ULK4: variants seen among roughly 807,000 people sequenced by gnomAD.
ULK4 encodes the protein unc-51 like kinase 4, also known as inactive serine/threonine-protein kinase ULK4.
ULK4 carries 133 observed loss-of-function variants against 160.6 expected under a neutral mutation model. That is an observed-to-expected ratio of 0.83 (90% CI 0.72 to 0.96). ULK4 has a LOEUF of 0.96. Ranked by LOEUF, ULK4 falls within the 40% of genes least tolerant of loss-of-function variation. ULK4 has a pLI of 0.00. For missense variants in ULK4, 1,580 were observed against 1,499.5 expected (o/e 1.05, Z -0.89); for synonymous variants, 534 against 539.8 (o/e 0.99, Z 0.15).
Position 41,815,065 on chromosome 3 carries a change from C to T in ULK4, c.1848+4358G>A, listed in dbSNP as rs562832140. On this transcript the variant is annotated intron_variant, in intron 19 of 36. Transcript: ENST00000301831. ...CTGGAATTACAGGCATGCACCACCA[C>T]GCCCGACTAATTTTTGTATTTTTAG... Among the ~76,000 whole-genome samples, 7 of 152,138 alleles carry T rather than the reference C, an allele frequency of 4.6e-5. No individual in the cohort carries two copies. In the South Asian group the frequency reaches 6.2e-4, roughly 14 times the overall value.
Position 41,789,735 on chromosome 3 carries a change from G to A in ULK4, c.2119C>T (p.Gln707Ter). Residue 707 changes from glutamine (Q) to a stop codon, truncating the protein, a stop_gained, in exon 21 of 37, where the codon CAG (glutamine) becomes TAG (stop). Coordinates refer to ENST00000301831, the MANE Select transcript of ULK4 (RefSeq NM_017886.4). LOFTEE classifies it high-confidence loss of function. ...GCGAATAAGGTCAACATGTACTGCT[G>A]AACTTTGCAGATGGCAGAGGCCAGG... ...NSLASAICKV[Q>*]QYMLTLFAAM... The A allele has an allele frequency of 1.2e-6, 2 of 1,613,758 alleles. No homozygotes were observed. Among genetic ancestry groups the A allele is most frequent in the Non-Finnish European group, 1.7e-6 (2 of 1,179,820 alleles).
At chr3:41,921,928 C>T (rs991235502) in intron 5 of ULK4, among the ~76,000 whole-genome samples, 6 of 151,924 alleles carry the variant, frequency 3.9e-5, no homozygotes, top group South Asian at 2.1e-4. Context: ...CCGAGGCAGG[C>T]GGATCACCTG....
chr3:41,443,937 TAATTA>T (rs1356359257), intron 34 of ULK4, among the ~76,000 whole-genome samples: 1 of 152,090 alleles, frequency 6.6e-6, no homozygotes, highest in Non-Finnish European at 1.5e-5. Context: ...GAATTGAATT[TAATTA>T]ATTTCCAATT....
At chr3:41,663,451 A>G (rs1559470344) in intron 30 of ULK4, among the ~76,000 whole-genome samples, 156 bp downstream of exon 30, 1 of 152,220 alleles carries the variant, frequency 6.6e-6, no homozygotes, top group Non-Finnish European at 1.5e-5. Flanking sequence ...AACAGCATAA[A>G]TGACAGATAT....
At chr3:41,264,314 G>A (rs2078993343) in intron 35 of ULK4, among the ~76,000 whole-genome samples, 2 of 152,228 alleles carry the variant, frequency 1.3e-5, no homozygotes, top group African/African-American at 4.8e-5. Context: ...GAACTCACAT[G>A]CCAGCGCCAG....
At chr3:41,852,870 A>C (rs746580347) in intron 17 of ULK4, among the ~76,000 whole-genome samples, 15 of 152,316 alleles carry the variant, frequency 9.8e-5, no homozygotes, top group Non-Finnish European at 1.3e-4. Context: ...ACCAGCCTGC[A>C]ACAGAGTCTG....
chr3:41,660,724 G>C (rs2035124021), intron 30 of ULK4, among the ~76,000 whole-genome samples: 1 of 152,152 alleles, frequency 6.6e-6, no homozygotes, highest in Non-Finnish European at 1.5e-5. Flanking sequence ...AGCCATAACT[G>C]ACATGAGGCA....
At chr3:41,737,280 T>G (rs1274818705) in intron 22 of ULK4, among the ~76,000 whole-genome samples, 1 of 151,892 alleles carries the variant, frequency 6.6e-6, no homozygotes, top group Non-Finnish European at 1.5e-5. Context: ...TCAAAGAGAA[T>G]AAAATACTTA....
chr3:41,596,561 AT>A, intron 31 of ULK4, among the ~76,000 whole-genome samples: 1 of 152,274 alleles, frequency 6.6e-6, no homozygotes, highest in Middle Eastern at 3.4e-3. Context: ...TGGTCTGGAC[AT>A]TTCTGTGAGG....
At chr3:41,728,405 G>T (rs2125861332) in intron 22 of ULK4, among the ~76,000 whole-genome samples, 1 of 152,194 alleles carries the variant, frequency 6.6e-6, no homozygotes, top group East Asian at 1.9e-4. Context: ...AGCAAGAGAG[G>T]GGGTAGGTAC....
rs576453625 is a variant in ULK4, at chr3:41,610,663, T to C, written c.3120+5006A>G. Among the ~76,000 whole-genome samples, 6 of 152,368 alleles carry C rather than the reference T, an allele frequency of 3.9e-5. No homozygotes were observed. In the East Asian group the frequency reaches 1.2e-3, roughly 29 times the overall value. On this transcript the variant is annotated intron_variant, in intron 31 of 36. Coordinates refer to ENST00000301831, the MANE Select transcript of ULK4 (RefSeq NM_017886.4). ...CTTGAAAGATTTACTGAAGCTTGCT[T>C]CAACTGCTATCCTTGAGAACTGTTA...
intron 35 of ULK4, among the ~76,000 whole-genome samples, chr3:41,267,984 G>C (rs892369581): frequency 1.3e-5 from 2 of 152,144 alleles, no homozygotes; most frequent in Admixed American, 1.3e-4. Context: ...TGGCACAGCC[G>C]ACTACTTCAC....
At chr3:41,859,058 A>C (rs887913960) in intron 17 of ULK4, among the ~76,000 whole-genome samples, 2 of 152,200 alleles carry the variant, frequency 1.3e-5, no homozygotes, top group Non-Finnish European at 2.9e-5. Flanking sequence ...AGGCAGTAAC[A>C]TATCTCTCAG....
intron 32 of ULK4, among the ~76,000 whole-genome samples, chr3:41,544,069 CG>C (rs2086779310): frequency 1.3e-5 from 2 of 151,980 alleles, no homozygotes; most frequent in African/African-American, 4.8e-5. Context: ...GTGTATAGGC[CG>C]TATTTTCCTA....
chr3:41,816,468 T>G (rs568401761), intron 19 of ULK4, among the ~76,000 whole-genome samples: 5 of 152,136 alleles, frequency 3.3e-5, no homozygotes, highest in African/African-American at 9.6e-5. Context: ...ACGAGGTAAA[T>G]AGAAAAAGAT....
intron 25 of ULK4, among the ~76,000 whole-genome samples, chr3:41,706,626 G>A (rs1007786956): frequency 7.3e-5 from 11 of 150,470 alleles, no homozygotes; most frequent in East Asian, 3.9e-4. Context: ...TCAGGAGTTC[G>A]AGACCAGCCT....
At chr3:41,524,617 T>G (rs2086048424) in intron 32 of ULK4, among the ~76,000 whole-genome samples, 2 of 152,022 alleles carry the variant, frequency 1.3e-5, no homozygotes, top group African/African-American at 2.4e-5. Context: ...TGGCCTGAAG[T>G]CAGCCAGAGG....
At chr3:41,349,984 C>T (rs928467645) in intron 35 of ULK4, among the ~76,000 whole-genome samples, 27 of 152,098 alleles carry the variant, frequency 1.8e-4, no homozygotes, top group African/African-American at 6.5e-4. Flanking sequence ...ATTCTCTGTG[C>T]TATTTCATTG....
chr3:41,281,863 T>C (rs4347980), intron 35 of ULK4, among the ~76,000 whole-genome samples: 33,210 of 148,702 alleles, frequency 0.22, 3,939 homozygotes, highest in African/African-American at 0.46. Flanking sequence ...GTCAAATTGT[T>C]CCTGTTTGCA....
Sources: allele counts gnomAD v4.1 joint callset (sites outside exome capture counted in the v4.1 genomes callset), GRCh38; gene constraint gnomAD v4.1.1; transcripts MANE v1.5; gene names NCBI Gene and HGNC (gene_info 2026-07-23, HGNC 2026-07-21).